The following DHRS7B variants were observed in gnomAD, a reference collection of about 807,000 sequenced individuals.
DHRS7B encodes peroxisomal reductase activating PPAR-gamma.
In DHRS7B, 24 loss-of-function variants were observed where a neutral mutation model predicts 26.4. The ratio of observed to expected loss-of-function variants is 0.91; its 90% CI spans 0.66 to 1.28. The LOEUF (loss-of-function observed/expected upper bound fraction) is 1.28. Among genes scored for constraint, DHRS7B ranks in the 50% most tolerant of loss-of-function variants. DHRS7B has a pLI of 0.00. For synonymous variants in DHRS7B, 142 were observed against 166.4 expected, an observed-to-expected ratio of 0.85 and a Z score of 1.13; for missense variants, 368 against 419.4, an observed-to-expected ratio of 0.88 and a Z score of 1.07.
At chr17:21,131,064 A>G (rs1973219736) in intron 1 of DHRS7B, among the ~76,000 whole-genome samples, 1 of 152,236 alleles carries the variant, frequency 6.6e-6, no homozygotes, top group Non-Finnish European at 1.5e-5. Flanking sequence ...GAGGTCTGTG[A>G]TGGCCACTGA....
chr17:21,151,169 G>A (rs756574467), intron 1 of DHRS7B, among the ~76,000 whole-genome samples: 9 of 152,244 alleles, frequency 5.9e-5, no homozygotes, highest in South Asian at 4.1e-4. Flanking sequence ...AGAAATGGCC[G>A]CAGGGCTTTG....
At chr17:21,167,245 T>G (rs756958124) in intron 1 of DHRS7B, among the ~76,000 whole-genome samples, 2 of 152,126 alleles carry the variant, frequency 1.3e-5, no homozygotes, top group Admixed American at 6.5e-5. Context: ...AGTGGTGGGT[T>G]CAGCAGAAAG....
At chr17:21,151,986 C>T (rs945426340) in intron 1 of DHRS7B, among the ~76,000 whole-genome samples, 13 of 152,206 alleles carry the variant, frequency 8.5e-5, no homozygotes, top group African/African-American at 2.4e-4. Flanking sequence ...TGTTCTCTCT[C>T]GCTCCCACTC....
chr17:21,140,022 C>CTTT (rs201900387), intron 1 of DHRS7B, among the ~76,000 whole-genome samples: 1 of 106,702 alleles, frequency 9.4e-6, no homozygotes, highest in Non-Finnish European at 1.8e-5. Flanking sequence ...CTTTCAGATT[C>CTTT]TTTTTTTTTT....
chr17:21,141,108 G>A (rs1016401675), intron 1 of DHRS7B, among the ~76,000 whole-genome samples: 4 of 151,994 alleles, frequency 2.6e-5, no homozygotes, highest in African/African-American at 9.7e-5. Flanking sequence ...ATTCCTGGAC[G>A]AGCCATTTTA....
Position 21,161,412 on chromosome 17 carries a change from T to A in DHRS7B, c.21-10606T>A, listed in dbSNP as rs527388642. ...GCTATGAGGCAGTAGAACAGTATGT[T>A]CAAAGAATATACATGAAATTCTGTA... On this transcript the variant is annotated intron_variant, in intron 1 of 6. Transcript: ENST00000395511. 1.9e-4 allele frequency among the ~76,000 whole-genome samples: 29 copies of A among 152,286 alleles called. No homozygotes were observed. In the East Asian group the frequency reaches 3.1e-3, roughly 16 times the overall value.
At chr17:21,183,527 C>T (rs1347806944) in intron 3 of DHRS7B, 67 bp from the exon 4 acceptor site, 63 of 1,434,720 alleles carry the variant, frequency 4.4e-5, no homozygotes, top group Non-Finnish European at 5.7e-5. Flanking sequence ...CTAAGTGATC[C>T]GTGGGACACA....
chr17:21,152,833 G>C (rs1973801724), intron 1 of DHRS7B, among the ~76,000 whole-genome samples: 1 of 152,124 alleles, frequency 6.6e-6, no homozygotes, highest in African/African-American at 2.4e-5. Context: ...CCTGAAGGGG[G>C]AACACTGAGA....
chr17:21,186,604 C>T (rs1380929110), intron 5 of DHRS7B, among the ~76,000 whole-genome samples: 1 of 152,240 alleles, frequency 6.6e-6, no homozygotes, highest in Non-Finnish European at 1.5e-5. Context: ...CACTTCCTTT[C>T]TTTCTGTCTT....
chr17:21,183,492 A>G (rs988895451), intron 3 of DHRS7B, 102 bp from the exon 4 acceptor site: 3 of 1,092,664 alleles, frequency 2.7e-6, no homozygotes, highest in African/African-American at 1.6e-5. Flanking sequence ...TCCTTAAAAT[A>G]TAAAGTTACA....
At chr17:21,167,769 A>G (rs1040279588) in intron 1 of DHRS7B, among the ~76,000 whole-genome samples, 3 of 152,122 alleles carry the variant, frequency 2.0e-5, no homozygotes, top group African/African-American at 4.8e-5. Flanking sequence ...TATACCATCA[A>G]TCTTGCCTTC....
intron 1 of DHRS7B, among the ~76,000 whole-genome samples, chr17:21,148,676 G>A (rs1272142262): frequency 2.0e-5 from 3 of 152,158 alleles, no homozygotes; most frequent in African/African-American, 4.8e-5. Flanking sequence ...AACCTAGGAG[G>A]CGGAGGTTGC....
intron 1 of DHRS7B, among the ~76,000 whole-genome samples, chr17:21,135,939 T>C (rs1217653030): frequency 1.3e-5 from 2 of 152,184 alleles, no homozygotes; most frequent in Admixed American, 6.5e-5. Context: ...AGGAATGCAG[T>C]TTATTTTGAT....
intron 1 of DHRS7B, chr17:21,127,583 A>G (rs1023530418): frequency 1.3e-5 from 2 of 152,600 alleles, no homozygotes; most frequent in African/African-American, 4.8e-5. Flanking sequence ...AAATGTTTTA[A>G]ACTCTGAGTG....
At chr17:21,178,161 C>A in intron 2 of DHRS7B, 72 bp from the exon 3 acceptor site, 2 of 1,441,824 alleles carry the variant, frequency 1.4e-6, no homozygotes, top group Non-Finnish European at 1.9e-6. Context: ...CAGCAAACAG[C>A]AACGCTGGGT....
At chr17:21,155,949 A>C (rs542877878) in intron 1 of DHRS7B, among the ~76,000 whole-genome samples, 1 of 152,212 alleles carries the variant, frequency 6.6e-6, no homozygotes, top group Non-Finnish European at 1.5e-5. Flanking sequence ...AATTTGTAGA[A>C]TGCAGCAAAA....
chr17:21,140,715 T>C (rs1973488303), intron 1 of DHRS7B, among the ~76,000 whole-genome samples: 2 of 152,128 alleles, frequency 1.3e-5, no homozygotes, highest in Admixed American at 6.6e-5. Flanking sequence ...ACTTAGGAAC[T>C]CTGTAGTTTG....
chr17:21,127,534 A>C (rs530332819), intron 1 of DHRS7B: 6 of 153,184 alleles, frequency 3.9e-5, no homozygotes, highest in African/African-American at 1.4e-4. Flanking sequence ...TGCTCTTCCA[A>C]TACTTACTCT....
intron 1 of DHRS7B, among the ~76,000 whole-genome samples, chr17:21,132,648 A>G (rs1973265158): frequency 6.6e-6 from 1 of 152,010 alleles, no homozygotes; most frequent in African/African-American, 2.4e-5. Context: ...ACTGGCTGAA[A>G]CTGGGCTGCT....
Sources: allele counts gnomAD v4.1 joint callset (sites outside exome capture counted in the v4.1 genomes callset), GRCh38; gene constraint gnomAD v4.1.1; transcripts MANE v1.5; gene names NCBI Gene and HGNC (gene_info 2026-07-23, HGNC 2026-07-21).